HMBOX1: variants seen among roughly 807,000 people sequenced by gnomAD.
The protein encoded by HMBOX1 is homeobox containing 1, also known as homeobox-containing protein 1.
Under a neutral mutation model 54.5 loss-of-function variants are expected in HMBOX1, and 14 were observed. The ratio of observed to expected loss-of-function variants is 0.26; its 90% confidence interval spans 0.17 to 0.40. HMBOX1 has a LOEUF of 0.40. Ranked by LOEUF, HMBOX1 falls within the 10% of genes least tolerant of loss-of-function variation. The pLI is 1.00. For synonymous variants in HMBOX1, 160 were observed against 181.0 expected, an observed-to-expected ratio of 0.88 and a Z score of 0.93; for missense variants, 332 against 514.4, an observed-to-expected ratio of 0.65 and a Z score of 3.43.
At chr8:28,987,869 A>T (rs934380904) in intron 4 of HMBOX1, among the ~76,000 whole-genome samples, 1 of 152,182 alleles carries the variant, frequency 6.6e-6, no homozygotes, top group Non-Finnish European at 1.5e-5. Flanking sequence ...AAATTTAACT[A>T]TATCATTTGA....
intron 3 of HMBOX1, among the ~76,000 whole-genome samples, chr8:28,979,516 A>T (rs1053722481): frequency 1.1e-4 from 16 of 152,212 alleles, no homozygotes; most frequent in Admixed American, 1.0e-3. Context: ...TTGTTTATAC[A>T]GGAAAAGAAG....
At chr8:29,024,203 A>C (rs1801655598) in intron 6 of HMBOX1, among the ~76,000 whole-genome samples, 1 of 152,232 alleles carries the variant, frequency 6.6e-6, no homozygotes. Context: ...GAATGCTATT[A>C]TGACAAAAGG....
intron 6 of HMBOX1, among the ~76,000 whole-genome samples, chr8:29,031,859 A>T (rs190085096): frequency 1.4e-4 from 22 of 152,306 alleles, no homozygotes; most frequent in African/African-American, 5.3e-4. Flanking sequence ...TACAATAAGG[A>T]CACAGGAGAG....
intron 4 of HMBOX1, among the ~76,000 whole-genome samples, chr8:29,006,775 C>T (rs374762172): frequency 1.3e-5 from 2 of 152,092 alleles, no homozygotes; most frequent in African/African-American, 2.4e-5. Context: ...TGTTGTCTAG[C>T]GAGCTCTGAG....
At chr8:28,956,310 A>C (rs1017878504) in intron 1 of HMBOX1, among the ~76,000 whole-genome samples, 2 of 150,620 alleles carry the variant, frequency 1.3e-5, no homozygotes, top group African/African-American at 4.9e-5. Flanking sequence ...TTCCAGTTTA[A>C]CTGCTTAAGT....
At chr8:28,957,795 G>A (rs1372040929) in intron 1 of HMBOX1, among the ~76,000 whole-genome samples, 2 of 151,888 alleles carry the variant, frequency 1.3e-5, no homozygotes, top group African/African-American at 4.8e-5. Flanking sequence ...GCTAATTTTT[G>A]TATTTTTAGT....
chr8:29,026,042 G>GCACACA (rs1452326253), intron 6 of HMBOX1, among the ~76,000 whole-genome samples: 5 of 79,880 alleles, frequency 6.3e-5, no homozygotes, highest in African/African-American at 2.9e-4. Context: ...TTGCTACCAT[G>GCACACA]TACACACACA....
chr8:28,903,127 A>C (rs1043634218), intron 1 of HMBOX1, among the ~76,000 whole-genome samples: 1 of 152,196 alleles, frequency 6.6e-6, no homozygotes, highest in Non-Finnish European at 1.5e-5. Context: ...ACACACATAC[A>C]TTTAAGCTTT....
intron 1 of HMBOX1, among the ~76,000 whole-genome samples, chr8:28,955,209 A>G (rs1824196597): frequency 6.6e-6 from 1 of 152,030 alleles, no homozygotes; most frequent in Admixed American, 6.5e-5. Flanking sequence ...TAAAAAGTAT[A>G]GTCTCTTTTT....
intron 1 of HMBOX1, among the ~76,000 whole-genome samples, chr8:28,963,071 G>A (rs973942855): frequency 2.0e-5 from 3 of 152,024 alleles, no homozygotes; most frequent in Non-Finnish European, 2.9e-5. Context: ...TGCAACCGCC[G>A]CCTCCCAGGT....
intron 6 of HMBOX1, chr8:29,042,663 G>A (rs958107165): frequency 5.5e-5 from 25 of 456,116 alleles, no homozygotes; most frequent in African/African-American, 4.2e-4. Context: ...CTGAGAGAAG[G>A]ATGGAAGAAA....
chr8:28,905,397 A>C (rs1203818444), intron 1 of HMBOX1, among the ~76,000 whole-genome samples: 4 of 152,242 alleles, frequency 2.6e-5, no homozygotes, highest in Middle Eastern at 3.2e-3. Flanking sequence ...AGAAGCAAAA[A>C]CAAAAAGCCT....
intron 3 of HMBOX1, among the ~76,000 whole-genome samples, chr8:28,977,533 T>C (rs1828601658): frequency 1.3e-5 from 2 of 152,240 alleles, no homozygotes; most frequent in Admixed American, 6.5e-5. Flanking sequence ...TTGTTCTACA[T>C]TACCTGCATT....
intron 1 of HMBOX1, among the ~76,000 whole-genome samples, chr8:28,931,565 A>G (rs1285913510): frequency 2.0e-5 from 3 of 152,166 alleles, no homozygotes; most frequent in Non-Finnish European, 4.4e-5. Flanking sequence ...TTTCTGAGAC[A>G]GGATCTTGCT....
intron 4 of HMBOX1, among the ~76,000 whole-genome samples, chr8:28,996,163 A>G (rs1441817720): frequency 6.6e-6 from 1 of 151,884 alleles, no homozygotes; most frequent in Non-Finnish European, 1.5e-5. Flanking sequence ...TACTTTTTAT[A>G]TTGAAGTGTT....
chr8:29,049,344 GGCAGAGAA>G (rs1458781653), intron 9 of HMBOX1: 4 of 1,533,610 alleles, frequency 2.6e-6, no homozygotes, highest in South Asian at 1.2e-5. Flanking sequence ...TTCAGAGGGA[GGCAGAGAA>G]GCAGAGAAGG....
intron 1 of HMBOX1, among the ~76,000 whole-genome samples, chr8:28,952,422 C>T (rs369064876): frequency 2.6e-5 from 4 of 151,916 alleles, no homozygotes; most frequent in African/African-American, 7.3e-5. Context: ...TTGTTAAAGA[C>T]GAGGTTTCAC....
intron 1 of HMBOX1, among the ~76,000 whole-genome samples, chr8:28,906,649 G>T (rs1007198035): frequency 9.2e-5 from 14 of 151,806 alleles, no homozygotes; most frequent in African/African-American, 2.7e-4. Context: ...GAGTACAGTG[G>T]CATGATCTCA....
intron 3 of HMBOX1, among the ~76,000 whole-genome samples, chr8:28,973,803 GT>G (rs71222583): frequency 1.1e-4 from 8 of 72,658 alleles, no homozygotes; most frequent in Non-Finnish European, 1.8e-4. Flanking sequence ...ACATAATGGA[GT>G]TTTTTTTTTT....
Sources: allele counts gnomAD v4.1 joint callset (sites outside exome capture counted in the v4.1 genomes callset), GRCh38; gene constraint gnomAD v4.1.1; transcripts MANE v1.5; gene names NCBI Gene and HGNC (gene_info 2026-07-23, HGNC 2026-07-21).